EP400: variants seen among roughly 807,000 people sequenced by gnomAD.
EP400 encodes the protein E1A-binding protein p400.
A neutral mutation model predicts 354.1 loss-of-function variants in EP400; 105 were observed. The observed-to-expected ratio is 0.30, with a 90% CI of 0.25 to 0.35. The LOEUF is 0.35. EP400 is among the 10% of genes least tolerant of loss of function. The pLI is 1.00. For synonymous variants in EP400, 1,646 were observed against 1,716.9 expected (o/e 0.96, Z 1.02); for missense variants, 3,280 against 4,121.0 (o/e 0.80, Z 5.59).
chr12:132,014,876 G>A (rs1045211086), intron 19 of EP400, among the ~76,000 whole-genome samples: 1 of 152,318 alleles, frequency 6.6e-6, no homozygotes, highest in South Asian at 2.1e-4. Context: ...AGCAGACTGT[G>A]GTTTGTGGAG....
rs535272623 is a variant in EP400 at position 132,077,064 on chromosome 12, T to C, written c.9100-337T>C. 2.7e-4 allele frequency among the ~76,000 whole-genome samples: 41 copies of C among 152,370 alleles called. 3 individuals are homozygous for C. The South Asian group carries it at 7.9e-3, about 29-fold the overall frequency. On this transcript the variant is annotated intron_variant, in intron 52 of 52. Coordinates refer to ENST00000389561, the MANE Select transcript of EP400 (RefSeq NM_015409.5). The stretch of plus-strand genomic sequence containing the variant: ...AAATGTAAAGCGGTGCTTTAAACTT[T>C]CTAAATTTTGTTTAAAGTCACACTG...
At chr12:132,030,932 C>T (rs1029113600) in intron 29 of EP400, among the ~76,000 whole-genome samples, 3 of 152,170 alleles carry the variant, frequency 2.0e-5, no homozygotes, top group Non-Finnish European at 4.4e-5. Context: ...TGTCCCCCAG[C>T]GCAAAACCAA....
At chr12:131,966,434 T>G (rs1200387210) in intron 2 of EP400, among the ~76,000 whole-genome samples, 1 of 151,512 alleles carries the variant, frequency 6.6e-6, no homozygotes, top group East Asian at 1.9e-4. Context: ...CTGGGCATGG[T>G]GGCACACGCC....
intron 50 of EP400, chr12:132,069,234 G>A (rs769732577): frequency 3.7e-5 from 17 of 457,986 alleles, no homozygotes; most frequent in Non-Finnish European, 6.7e-5. Flanking sequence ...AGGGAGCAGT[G>A]TCCCGGGTGG....
intron 51 of EP400, among the ~76,000 whole-genome samples, chr12:132,069,949 TA>T (rs1593389617): frequency 6.6e-6 from 1 of 152,176 alleles, no homozygotes; most frequent in East Asian, 1.9e-4. Context: ...GTGTCTTTTT[TA>T]AAAATATATT....
In EP400 at chr12:132,070,895, T is replaced by C. The variant is rs951328025; in HGVS notation, c.9021+1254T>C. Among the ~76,000 whole-genome samples, 3 of 152,252 alleles carry C rather than the reference T, an allele frequency of 2.0e-5. No homozygotes were observed. The highest frequency in any genetic ancestry group is 4.4e-5 in the Non-Finnish European group (3 of 68,048). On this transcript the variant is annotated intron_variant, in intron 51 of 52. Transcript: ENST00000389561. This position sits in a 1 kb window ranked among gnomAD's most constrained non-coding sequence, Gnocchi z 4.1. ...TACATTTTTGTACATTAGTTTTTTA[T>C]TCTGGCCGCCTTGCTAGATTCTGGT... is the stretch of plus-strand genomic sequence containing the variant.
At chr12:131,991,973 G>T (rs909529561) in intron 10 of EP400, among the ~76,000 whole-genome samples, 200 bp from the exon 11 acceptor site, 1 of 152,156 alleles carries the variant, frequency 6.6e-6, no homozygotes, top group Non-Finnish European at 1.5e-5. Context: ...TGTTAATTTG[G>T]CAGTGACAGC....
chr12:131,966,562 C>CAAAAAA (rs534384776), intron 2 of EP400, among the ~76,000 whole-genome samples: 9 of 57,516 alleles, frequency 1.6e-4, no homozygotes, highest in African/African-American at 4.0e-4. Context: ...TACCCTACCT[C>CAAAAAA]AAAAAAAAAA....
chr12:132,044,953 G>A lies in EP400; in HGVS notation c.6784G>A (p.Ala2262Thr). ...GAAGCGACACAAAACAGACCCCTCA[G>A]GTGCGCATCCCGAGGGCGTCACATG... ...ERKRHKTDPS[A>T]AGRKKKQRHG... The change falls in exon 37 of 53, where the codon GCT (alanine) becomes ACT (threonine). Residue 2262 changes from alanine to threonine, a missense_variant and splice_region_variant. Physicochemically the swap from Ala to Thr is moderately conservative, Grantham distance 58 (BLOSUM62 0). Coordinates refer to ENST00000389561, the MANE Select transcript of EP400 (RefSeq NM_015409.5). 6.2e-7 allele frequency: 1 copy of A among 1,613,894 alleles called. No homozygotes were observed. Among genetic ancestry groups the A allele is most frequent in the African/African-American group, 1.3e-5 (1 of 75,062 alleles).
chr12:131,994,822 C>A lies in EP400; in HGVS notation c.2738-45C>A. The A allele has an allele frequency of 6.5e-7, 1 of 1,542,796 alleles. No individual in the cohort carries two copies. The highest frequency in any genetic ancestry group is 1.1e-5 in the South Asian group (1 of 89,026). Reference sequence around the variant, plus strand: ...TAGTGTGTAATGAGTAACAGACACTCAAGTGGTGTTGCCTCTCAGTGACAC... The same window carrying A: ...TAGTGTGTAATGAGTAACAGACACTAAAGTGGTGTTGCCTCTCAGTGACAC... On this transcript the variant is annotated intron_variant, in intron 11 of 52. Transcript: ENST00000389561. This position sits in a 1 kb window ranked among gnomAD's most constrained non-coding sequence, Gnocchi z 4.6.
Position 132,055,159 on chromosome 12 carries a change from A to C in EP400, c.7835A>C (p.Gln2612Pro). 1 of 1,601,882 alleles carries C rather than the reference A, an allele frequency of 6.2e-7. No individual in the cohort carries two copies. Among genetic ancestry groups the C allele is most frequent in the Non-Finnish European group, 8.5e-7 (1 of 1,173,790 alleles). Residue 2612 changes from glutamine (Q) to proline (P), a missense_variant, in exon 45 of 53, where the codon CAG becomes CCG. Physicochemically the swap from Gln to Pro is moderately conservative, Grantham distance 76. Around this residue, in one of 20 missense-constraint regions of EP400, gnomAD observed 255 missense variants for 295.9 expected, o/e 0.86. Transcript: ENST00000389561. Reference protein sequence around the residue: ...TIAGVPAATFQSINKRLASPV... With the variant: ...TIAGVPAATFPSINKRLASPV... ...GCAGGGGTCCCAGCTGCCACCTTCCAGTCCATCAACAAGCGCCTGGCGTCG... is the reference window on the plus strand; with the variant it reads ...GCAGGGGTCCCAGCTGCCACCTTCCCGTCCATCAACAAGCGCCTGGCGTCG...
chr12:132,053,305 G>GC (rs1565929997), intron 42 of EP400, 38 bp from the exon 43 acceptor site: 3 of 1,600,856 alleles, frequency 1.9e-6, no homozygotes, highest in Non-Finnish European at 2.5e-6. Context: ...GGCCGAGTCT[G>GC]CCCCTCCAGT....
Position 132,045,719 on chromosome 12 carries a change from T to G in EP400, c.7027-8T>G. ...TTCACCTGTTTTACCTGAAATCTCC[T>G]TCTCTAGGCTGTAAAGCAGTTACTG... On this transcript the variant is annotated splice_polypyrimidine_tract_variant and splice_region_variant and intron_variant, in intron 38 of 52. Coordinates refer to ENST00000389561, the MANE Select transcript of EP400 (RefSeq NM_015409.5). The G allele has an allele frequency of 6.2e-7, 1 of 1,614,044 alleles. No individual in the cohort carries two copies. Among genetic ancestry groups the G allele is most frequent in the Non-Finnish European group, 8.5e-7 (1 of 1,179,912 alleles).
rs756306519 is a variant in EP400, at chr12:132,034,712, G to A, written c.5951+2563G>A. On this transcript the variant is annotated intron_variant, in intron 30 of 52. Transcript: ENST00000389561. ...AGGGCCTTTCTGTCATGAATGTGCC[G>A]CACACCTTGTGCTCCACGAGTGAGA... Among the ~76,000 whole-genome samples the A allele has an allele frequency of 7.2e-5, 11 of 152,236 alleles. No individual in the cohort carries two copies. In the East Asian group the frequency reaches 1.5e-3, roughly 21 times the overall value.
In EP400 at chr12:132,064,901, C is replaced by T. The variant is rs1555223501; in HGVS notation, c.8553+15C>T. Reference sequence around the variant, plus strand: ...TGGCCCGGCTCGTAAGTGTCAGTTTCTGTTTGTTTTCCAAAAGCAGCATCT... The same window carrying T: ...TGGCCCGGCTCGTAAGTGTCAGTTTTTGTTTGTTTTCCAAAAGCAGCATCT... On this transcript the variant is annotated intron_variant, in intron 48 of 52. Coordinates refer to ENST00000389561, the MANE Select transcript of EP400 (RefSeq NM_015409.5). The T allele has an allele frequency of 6.3e-7, 1 of 1,589,220 alleles. No homozygotes were observed. The highest frequency in any genetic ancestry group is 1.3e-5 in the African/African-American group (1 of 74,468).
Position 132,025,943 on chromosome 12 carries a change from T to C in EP400, c.5014+139T>C. 9.4e-7 allele frequency: 1 copy of C among 1,067,556 alleles called. No homozygotes were observed. The highest frequency in any genetic ancestry group is 1.3e-6 in the Non-Finnish European group (1 of 791,552). The allele number at this position is 1,067,556 out of a possible 1,614,324, so 66.1% of individuals were successfully genotyped here. On this transcript the variant is annotated intron_variant, in intron 25 of 52. Transcript: ENST00000389561. The surrounding 1 kb of genome is among the most constrained non-coding windows in gnomAD (Gnocchi z 4.1). ...AGTGTGTGGCCATCTCTGATTTCTA[T>C]AGATGTGTCCTAGTGTCAGCCTGAT... is the stretch of plus-strand genomic sequence containing the variant.
chr12:132,067,518 T>C lies in EP400; in HGVS notation c.8874+32T>C. ...GGGCTAGGGGATTCTCACTTCTGGGTCTATGCCAAGCCAAAGCTGGCTGCT... is the reference window on the plus strand; with the variant it reads ...GGGCTAGGGGATTCTCACTTCTGGGCCTATGCCAAGCCAAAGCTGGCTGCT... On this transcript the variant is annotated intron_variant, in intron 50 of 52. Transcript: ENST00000389561. This position sits in a 1 kb window ranked among gnomAD's most constrained non-coding sequence, Gnocchi z 5.3. 1 of 1,600,284 alleles carries C rather than the reference T, an allele frequency of 6.2e-7. No homozygotes were observed. The highest frequency in any genetic ancestry group is 8.5e-7 in the Non-Finnish European group (1 of 1,174,968).
At chr12:131,964,565 G>C (rs1200641411) in intron 2 of EP400, among the ~76,000 whole-genome samples, 1 of 152,100 alleles carries the variant, frequency 6.6e-6, no homozygotes, top group Non-Finnish European at 1.5e-5. Context: ...TTTCATCCTT[G>C]GGATTTTTGT....
chr12:131,967,146 G>T (rs551026697), intron 2 of EP400, among the ~76,000 whole-genome samples: 1 of 151,030 alleles, frequency 6.6e-6, no homozygotes, highest in African/African-American at 2.4e-5. Flanking sequence ...TTGGGAGGCC[G>T]AAGGGGGGCG....
Sources: allele counts gnomAD v4.1 joint callset (sites outside exome capture counted in the v4.1 genomes callset), GRCh38; gene constraint gnomAD v4.1.1; regional missense constraint gnomAD v4.1.1; non-coding constraint Gnocchi (gnomAD v3.1); transcripts MANE v1.5; gene names NCBI Gene and HGNC (gene_info 2026-07-23, HGNC 2026-07-21).